ASAP2: variants seen among roughly 807,000 people sequenced by gnomAD.
ASAP2 encodes the protein arf-GAP with SH3 domain, ANK repeat and PH domain-containing protein 2.
A neutral mutation model predicts 131.4 loss-of-function variants in ASAP2; 45 were observed. The ratio of observed to expected loss-of-function variants is 0.34; its 90% CI spans 0.27 to 0.44. The LOEUF (loss-of-function observed/expected upper bound fraction) is 0.44. ASAP2 is among the 20% of genes least tolerant of loss of function. The probability of loss-of-function intolerance (pLI) is 1.00; values close to 1 mark genes in which losing one functional copy is unlikely to be tolerated. For missense variants in ASAP2, 1,011 were observed against 1,297.0 expected (o/e 0.78, Z 3.39); for synonymous variants, 510 against 503.0 (o/e 1.01, Z -0.19).
intron 15 of ASAP2, among the ~76,000 whole-genome samples, chr2:9,360,658 T>C (rs1673019554): frequency 6.6e-6 from 1 of 152,138 alleles, no homozygotes; most frequent in Non-Finnish European, 1.5e-5. Flanking sequence ...CAATGTGAAG[T>C]TGGAAAAAGA....
intron 1 of ASAP2, among the ~76,000 whole-genome samples, chr2:9,241,399 A>AT (rs1663957680): frequency 6.6e-6 from 1 of 152,152 alleles, no homozygotes; most frequent in African/African-American, 2.4e-5. Flanking sequence ...TGGTGCGATT[A>AT]TGAGTTCCTT....
chr2:9,335,093 A>G lies in ASAP2; in HGVS notation c.763A>G (p.Ile255Val). The change falls in exon 9 of 28, where the codon ATC (isoleucine) becomes GTC (valine). Residue 255 changes from isoleucine (I) to valine (V), a missense_variant and splice_region_variant. This residue lies in a region of ASAP2 where 359 missense variants were observed against 598.1 expected (regional missense o/e 0.60). Transcript: ENST00000281419. ...CTGTTGTGTGTGTGTGTTTTTAAAGATCAAACAGGCCCAGGATGAAGAAAG... is the reference window on the plus strand; with the variant it reads ...CTGTTGTGTGTGTGTGTTTTTAAAGGTCAAACAGGCCCAGGATGAAGAAAG... ...IETLSTDLHT[I>V]KQAQDEERRQ... is the part of the protein sequence containing the mutation. The G allele has an allele frequency of 6.2e-7, 1 of 1,613,960 alleles. No individual in the cohort carries two copies. Among genetic ancestry groups the G allele is most frequent in the Non-Finnish European group, 8.5e-7 (1 of 1,179,904 alleles).
intron 15 of ASAP2, among the ~76,000 whole-genome samples, chr2:9,366,767 G>A (rs563326610): frequency 3.3e-5 from 5 of 152,226 alleles, no homozygotes; most frequent in South Asian, 2.1e-4. Context: ...GTCAAGGGCC[G>A]GGTTGAATTA....
intron 2 of ASAP2, among the ~76,000 whole-genome samples, chr2:9,287,467 T>C (rs1391810969): frequency 6.6e-6 from 1 of 152,200 alleles, no homozygotes; most frequent in Non-Finnish European, 1.5e-5. Context: ...GACGGATATC[T>C]GAAGGACGCG....
chr2:9,374,006 C>T (rs1196935733), intron 16 of ASAP2, among the ~76,000 whole-genome samples: 2 of 152,190 alleles, frequency 1.3e-5, no homozygotes, highest in East Asian at 3.8e-4. Flanking sequence ...GTATTGTGTG[C>T]ATTTTCGCAA....
At chr2:9,383,460 A>G (rs998115049) in intron 20 of ASAP2, among the ~76,000 whole-genome samples, 7 of 151,992 alleles carry the variant, frequency 4.6e-5, no homozygotes, top group East Asian at 3.9e-4. Context: ...GGGTCTCGCT[A>G]TGTTGCCTGG....
At chr2:9,381,619 C>A (rs1048505789) in intron 20 of ASAP2, among the ~76,000 whole-genome samples, 5 of 152,202 alleles carry the variant, frequency 3.3e-5, no homozygotes, top group Admixed American at 3.3e-4. Context: ...GCCTGTAGCC[C>A]CAGTTACCCA....
chr2:9,355,166 A>G (rs999626175), intron 12 of ASAP2, among the ~76,000 whole-genome samples: 1 of 152,180 alleles, frequency 6.6e-6, no homozygotes, highest in African/African-American at 2.4e-5. Flanking sequence ...TTAACTAAAA[A>G]TCTTACTCAG....
At chr2:9,230,112 T>C (rs1663054002) in intron 1 of ASAP2, among the ~76,000 whole-genome samples, 1 of 152,234 alleles carries the variant, frequency 6.6e-6, no homozygotes, top group Admixed American at 6.5e-5. Flanking sequence ...CATTTGCTGA[T>C]GTCAGTAAAG....
rs1665653520 is a variant in ASAP2, at chr2:9,262,607, C to T, written c.127-16710C>T. ...CAGAACCAGTGATTTGTAACTGATG[C>T]ACTTGTCTCCAAAGGGATCCAGCAC... On this transcript the variant is annotated intron_variant, in intron 1 of 27. Transcript: ENST00000281419. 3.9e-5 allele frequency among the ~76,000 whole-genome samples: 6 copies of T among 152,346 alleles called. No individual in the cohort carries two copies. The South Asian group carries it at 1.0e-3, about 26-fold the overall frequency.
intron 9 of ASAP2, among the ~76,000 whole-genome samples, chr2:9,338,361 C>CTCTCTG (rs1671359808): frequency 1.3e-5 from 2 of 152,160 alleles, no homozygotes; most frequent in African/African-American, 4.8e-5. Flanking sequence ...CTCTCTCTCT[C>CTCTCTG]TCTTTCTCTT....
chr2:9,365,454 T>A (rs1673398416), intron 15 of ASAP2, among the ~76,000 whole-genome samples: 1 of 152,190 alleles, frequency 6.6e-6, no homozygotes, highest in African/African-American at 2.4e-5. Context: ...TCCTTCCTCA[T>A]GGAGACATGA....
At chr2:9,307,580 T>C (rs1210745925) in intron 3 of ASAP2, among the ~76,000 whole-genome samples, 1 of 152,226 alleles carries the variant, frequency 6.6e-6, no homozygotes, top group Non-Finnish European at 1.5e-5. Flanking sequence ...AGTGTGGTTG[T>C]TGGTGGCTGA....
chr2:9,388,246 G>A (rs1219455115), intron 21 of ASAP2, 48 bp from the exon 22 acceptor site: 2 of 1,605,454 alleles, frequency 1.2e-6, no homozygotes, highest in East Asian at 2.2e-5. Flanking sequence ...ATCACCAGGA[G>A]CAGTTCATAT....
chr2:9,274,287 T>C (rs1034554747), intron 1 of ASAP2, among the ~76,000 whole-genome samples: 1 of 151,238 alleles, frequency 6.6e-6, no homozygotes, highest in Non-Finnish European at 1.5e-5. Context: ...TTTTTATATA[T>C]AGTTGGCATA....
chr2:9,351,992 G>A (rs1218200858), intron 12 of ASAP2, among the ~76,000 whole-genome samples: 1 of 152,118 alleles, frequency 6.6e-6, no homozygotes, highest in Non-Finnish European at 1.5e-5. Flanking sequence ...GTCTAGTAAG[G>A]TCCACAGATT....
chr2:9,255,653 C>G (rs917822665), intron 1 of ASAP2, among the ~76,000 whole-genome samples: 2 of 152,152 alleles, frequency 1.3e-5, no homozygotes, highest in Non-Finnish European at 1.5e-5. Flanking sequence ...AAGGGAGGTG[C>G]CTGAGTTGAT....
At chr2:9,282,663 A>G (rs2148326535) in intron 2 of ASAP2, among the ~76,000 whole-genome samples, 1 of 152,368 alleles carries the variant, frequency 6.6e-6, no homozygotes, top group Non-Finnish European at 1.5e-5. Context: ...ATAAAGACCA[A>G]AGGCAATTCC....
chr2:9,296,023 G>A (rs996323575), intron 2 of ASAP2, among the ~76,000 whole-genome samples: 1 of 152,274 alleles, frequency 6.6e-6, no homozygotes, highest in South Asian at 2.1e-4. Context: ...TCATTTCCCC[G>A]AGAAGGAATT....
Sources: gnomAD v4.1 joint callset for allele counts (sites outside exome capture counted in the v4.1 genomes callset) on GRCh38, gnomAD v4.1.1 for gene constraint, gnomAD v4.1.1 regional missense constraint, MANE v1.5 for transcripts, NCBI Gene and HGNC (gene_info 2026-07-23, HGNC 2026-07-21) for gene names.